SELENBP1: variants seen among roughly 807,000 people sequenced by gnomAD.
SELENBP1 encodes methanethiol oxidase.
Under a neutral mutation model 61.0 loss-of-function variants are expected in SELENBP1, and 71 were observed. The ratio of observed to expected loss-of-function variants is 1.16; its 90% CI spans 0.96 to 1.42. The LOEUF (loss-of-function observed/expected upper bound fraction) is 1.42, where lower values mean the gene tolerates loss of function less well. Ranked by LOEUF, SELENBP1 falls within the 40% of genes most tolerant of loss-of-function variation. The pLI is 0.00. For synonymous variants in SELENBP1, 270 were observed against 238.9 expected, an observed-to-expected ratio of 1.13 and a Z score of -1.20; for missense variants, 561 against 605.0, an observed-to-expected ratio of 0.93 and a Z score of 0.76.
rs772827800 is a variant in SELENBP1, at chr1:151,365,326, C to T, written c.1045-45G>A. On this transcript the variant is annotated intron_variant, in intron 9 of 11. Transcript: ENST00000368868. The stretch of plus-strand genomic sequence containing the variant: ...GTATAAGGAGGACCATAGTGGGAGG[C>T]GCAAACATTGCAGGAAGAGCAGCTT... 1.0e-4 allele frequency: 164 copies of T among 1,568,754 alleles called. No homozygotes were observed. In the Admixed American group the frequency reaches 2.3e-3, roughly 22 times the overall value.
intron 1 of SELENBP1, chr1:151,370,173 T>C (rs1209527813): frequency 2.1e-6 from 1 of 475,740 alleles, no homozygotes; most frequent in East Asian, 3.3e-5. Context: ...AAAATGGAGA[T>C]GGTAAGAATT....
Position 151,364,964 on chromosome 1 carries a change from G to A in SELENBP1, c.1218C>T (p.Tyr406=). The change falls in exon 11 of 12, where the codon TAC becomes TAT. Residue 406 remains tyrosine (Y), a synonymous_variant. Transcript: ENST00000368868. Reference sequence around the variant, plus strand: ...GGTAAAACTGCTTGTCCCAGGCACTGTACAGCGACGTGGTGATGTAGAGGC... The same window carrying A: ...GGTAAAACTGCTTGTCCCAGGCACTATACAGCGACGTGGTGATGTAGAGGC... ...GKRLYITTSL[Y]SAWDKQFYPD... is the part of the protein sequence containing the mutation. 6.2e-7 allele frequency: 1 copy of A among 1,613,928 alleles called. No homozygotes were observed. The highest frequency in any genetic ancestry group is 8.5e-7 in the Non-Finnish European group (1 of 1,179,952).
At position 151,369,709 on chromosome 1, in the gene SELENBP1, T is replaced by C; in HGVS notation, c.61+4A>G. On this transcript the variant is annotated splice_donor_region_variant and intron_variant, in intron 2 of 11. Coordinates refer to ENST00000368868, the MANE Select transcript of SELENBP1 (RefSeq NM_003944.4). Reference sequence around the variant, plus strand: ...GCGCTGGCTCTCAGACCATGGGCAATTACCTTTCATGGCCTCCAGAGGGGT... The same window carrying C: ...GCGCTGGCTCTCAGACCATGGGCAACTACCTTTCATGGCCTCCAGAGGGGT... 1 of 1,551,908 alleles carries C rather than the reference T, an allele frequency of 6.4e-7. No individual in the cohort carries two copies. Among genetic ancestry groups the C allele is most frequent in the Non-Finnish European group, 8.7e-7 (1 of 1,147,094 alleles).
chr1:151,369,515 CG>C lies in SELENBP1; in HGVS notation c.100del (p.Arg34GlufsTer35), dbSNP rs755501695. ...ATCTGGGGCCTCAGTGCCTGTGTTT[CG>C]GTAAATGCAGGGCAGGTAGACGATC... ...EEIVYLPCIY[R>X]NTGTEAPDYL... On this transcript the variant is annotated frameshift_variant, in exon 3 of 12. Coordinates refer to ENST00000368868, the MANE Select transcript of SELENBP1 (RefSeq NM_003944.4). LOFTEE classifies it high-confidence loss of function. 1.2e-6 allele frequency: 2 copies of C among 1,611,684 alleles called. No homozygotes were observed. Among genetic ancestry groups the C allele is most frequent in the African/African-American group, 2.7e-5 (2 of 75,010 alleles).
intron 4 of SELENBP1, 96 bp downstream of exon 4, chr1:151,368,908 G>A (rs896918142): frequency 4.6e-6 from 6 of 1,311,672 alleles, no homozygotes; most frequent in South Asian, 4.1e-5. Context: ...CGTAAGAGCT[G>A]GAGGCTGCTG....
In SELENBP1 at chr1:151,364,706, C is replaced by A; in HGVS notation, c.1257-1G>T. On this transcript the variant is annotated splice_acceptor_variant, in intron 11 of 11. Coordinates refer to ENST00000368868, the MANE Select transcript of SELENBP1 (RefSeq NM_003944.4). LOFTEE classifies it high-confidence loss of function. ...AACCTGCAGCATCACAGAGCCTTCC[C>A]TGGTGGAAAAGGGAATGGGGTAAGG... The A allele has an allele frequency of 6.3e-7, 1 of 1,575,494 alleles. No homozygotes were observed. The highest frequency in any genetic ancestry group is 1.2e-5 in the South Asian group (1 of 84,682).
chr1:151,372,396 T>C (rs1652181604), intron 1 of SELENBP1, among the ~76,000 whole-genome samples: 1 of 152,016 alleles, frequency 6.6e-6, no homozygotes, highest in Admixed American at 6.6e-5. Context: ...TGGAGCCAAG[T>C]CAGGGCCCAG....
In SELENBP1 at chr1:151,364,342, A is replaced by C. The variant is rs768670788; in HGVS notation, c.*201T>G. ...TACGAGTTTATTTCTTGGTGCCTCC[A>C]AGAGCTCATGGAAAAGCAGCACAGT... On this transcript the variant is annotated 3_prime_UTR_variant, in exon 12 of 12. Coordinates refer to ENST00000368868, the MANE Select transcript of SELENBP1 (RefSeq NM_003944.4). The C allele has an allele frequency of 4.8e-6, 3 of 628,540 alleles. No homozygotes were observed. Among genetic ancestry groups the C allele is most frequent in the East Asian group, 2.9e-5 (1 of 34,576 alleles). 38.9% of individuals were successfully genotyped at this position (628,540 alleles called of 1,614,324 possible).
At chr1:151,367,826 C>G (rs938448514) in intron 5 of SELENBP1, among the ~76,000 whole-genome samples, 1 of 152,150 alleles carries the variant, frequency 6.6e-6, no homozygotes, top group South Asian at 2.1e-4. Flanking sequence ...CCAGTGCCAA[C>G]TCTGTATTAT....
Position 151,365,181 on chromosome 1 carries a change from G to T in SELENBP1, c.1137+8C>A. 1 of 1,612,368 alleles carries T rather than the reference G, an allele frequency of 6.2e-7. No homozygotes were observed. Among genetic ancestry groups the T allele is most frequent in the Non-Finnish European group, 8.5e-7 (1 of 1,178,646 alleles). ...AGGGGTCCAGCAAGTAGGGGGAGAG[G>T]CTCTTACCTTGACCACTAGGGGCTC... On this transcript the variant is annotated splice_region_variant and intron_variant, in intron 10 of 11. Transcript: ENST00000368868.
Position 151,364,718 on chromosome 1 carries a change from G to A in SELENBP1, c.1257-13C>T. 1 of 1,569,708 alleles carries A rather than the reference G, an allele frequency of 6.4e-7. No individual in the cohort carries two copies. Among genetic ancestry groups the A allele is most frequent in the Non-Finnish European group, 8.6e-7 (1 of 1,156,880 alleles). ...CACAGAGCCTTCCCTGGTGGAAAAG[G>A]GAATGGGGTAAGGGAGAGGTCAGAG... On this transcript the variant is annotated splice_polypyrimidine_tract_variant and intron_variant, in intron 11 of 11. Transcript: ENST00000368868.
At chr1:151,368,077 C>T in intron 5 of SELENBP1, 122 bp downstream of exon 5, 1 of 1,304,830 alleles carries the variant, frequency 7.7e-7, no homozygotes, top group Non-Finnish European at 1.1e-6. Context: ...GGATCCAGCT[C>T]ACTGGTTCTC....
At chr1:151,368,111 C>G in intron 5 of SELENBP1, 88 bp downstream of exon 5, 1 of 1,540,230 alleles carries the variant, frequency 6.5e-7, no homozygotes, top group Non-Finnish European at 8.9e-7. Flanking sequence ...TCCAACCCTC[C>G]CCTTCCATTC....
intron 4 of SELENBP1, 30 bp downstream of exon 4, chr1:151,368,974 C>A: frequency 6.3e-7 from 1 of 1,584,980 alleles, no homozygotes; most frequent in South Asian, 1.1e-5. Flanking sequence ...GTCTTATGGT[C>A]TACTGAGCTG....
At chr1:151,371,118 T>G (rs1287740273) in intron 1 of SELENBP1, among the ~76,000 whole-genome samples, 1 of 152,206 alleles carries the variant, frequency 6.6e-6, no homozygotes, top group Non-Finnish European at 1.5e-5. Flanking sequence ...GTGCGGTGGC[T>G]CATGCCTGTA....
chr1:151,365,134 A>G lies in SELENBP1; in HGVS notation c.1137+55T>C, dbSNP rs993103595. The G allele has an allele frequency of 2.5e-6, 4 of 1,587,858 alleles. No homozygotes were observed. The South Asian group carries it at 4.5e-5, about 18-fold the overall frequency. On this transcript the variant is annotated intron_variant, in intron 10 of 11. Transcript: ENST00000368868. Reference sequence around the variant, plus strand: ...AGAGTATGCTCAGCTGCTCCCCCACATATTCCTCAAGCATGGGTCTGAGGG... The same window carrying G: ...AGAGTATGCTCAGCTGCTCCCCCACGTATTCCTCAAGCATGGGTCTGAGGG...
At chr1:151,366,080 T>C (rs1651798826) in intron 7 of SELENBP1, 195 bp downstream of exon 7, 2 of 781,068 alleles carry the variant, frequency 2.6e-6, no homozygotes, top group African/African-American at 3.5e-5. Context: ...CACTAAGTAG[T>C]TTTTGAATGA....
Position 151,369,974 on chromosome 1 carries a change from A to G in SELENBP1, c.5-205T>C, listed in dbSNP as rs1452331968. 8.1e-6 allele frequency: 12 copies of G among 1,477,024 alleles called. No homozygotes were observed. In the Admixed American group the frequency reaches 1.4e-4, roughly 17 times the overall value. 91.5% of individuals were successfully genotyped at this position (1,477,024 alleles called of 1,614,324 possible). ...TTGTGCTGGGAAGAGCTGGAGACACATGACCTGAAGGTGGACAGACAGTCC... is the reference window on the plus strand; with the variant it reads ...TTGTGCTGGGAAGAGCTGGAGACACGTGACCTGAAGGTGGACAGACAGTCC... On this transcript the variant is annotated intron_variant, in intron 1 of 11. Coordinates refer to ENST00000368868, the MANE Select transcript of SELENBP1 (RefSeq NM_003944.4).
chr1:151,367,022 T>G (rs1325943138), intron 5 of SELENBP1, 118 bp from the exon 6 acceptor site: 12 of 1,489,154 alleles, frequency 8.1e-6, no homozygotes, highest in Non-Finnish European at 1.1e-5. Context: ...CTACCTCCAC[T>G]GCTGGATTTG....
Sources: gnomAD v4.1 joint callset for allele counts (sites outside exome capture counted in the v4.1 genomes callset) on GRCh38, gnomAD v4.1.1 for gene constraint, MANE v1.5 for transcripts, NCBI Gene and HGNC (gene_info 2026-07-23, HGNC 2026-07-21) for gene names.